CA10: variants seen among roughly 807,000 people sequenced by gnomAD.
CA10 encodes the protein carbonic anhydrase 10 (inactive), also known as carbonic anhydrase-related protein 10.
A neutral mutation model predicts 44.2 loss-of-function variants in CA10; 14 were observed. The ratio of observed to expected loss-of-function variants is 0.32; its 90% CI spans 0.21 to 0.50. The LOEUF (loss-of-function observed/expected upper bound fraction) is 0.50. CA10 is among the 20% of genes least tolerant of loss of function. The pLI, the probability that CA10 is intolerant of heterozygous loss-of-function variation, is 0.99. For synonymous variants in CA10, 159 were observed against 141.6 expected (o/e 1.12, Z -0.87); for missense variants, 350 against 409.7 (o/e 0.85, Z 1.26).
intron 3 of CA10, among the ~76,000 whole-genome samples, chr17:51,927,153 A>C (rs1265103185): frequency 6.6e-6 from 1 of 152,142 alleles, no homozygotes; most frequent in East Asian, 1.9e-4. Flanking sequence ...TATACTTAAC[A>C]TATGATCCTA....
Position 52,097,035 on chromosome 17 carries a change from T to G in CA10, c.62-24642A>C, listed in dbSNP as rs190920059. Among the ~76,000 whole-genome samples the G allele has an allele frequency of 5.5e-3, 844 of 152,276 alleles. 6 individuals are homozygous for G. Among genetic ancestry groups the G allele is most frequent in the African/African-American group, 0.019 (791 of 41,564 alleles). On this transcript the variant is annotated intron_variant, in intron 1 of 8. Transcript: ENST00000451037. ...AGCTGGATCCACCCCACTTCTGCCA[T>G]TTTTAGCTATTTTAAATTATGCTGC...
intron 2 of CA10, among the ~76,000 whole-genome samples, chr17:51,936,603 C>T (rs931031068): frequency 3.3e-5 from 5 of 152,030 alleles, no homozygotes; most frequent in Admixed American, 6.6e-5. Flanking sequence ...AGGAGAAGAG[C>T]GAAATGAGAT....
At position 52,158,068 on chromosome 17, in the gene CA10, TCTC is replaced by T. The variant is rs1382782422; in HGVS notation, c.-285_-283del. On this transcript the variant is annotated 5_prime_UTR_variant, in exon 1 of 9. Coordinates refer to ENST00000451037, the MANE Select transcript of CA10 (RefSeq NM_020178.5). ...GAGGTCTCCCCGCTCGCGTGTCTCT[TCTC>T]TTCGCACCAGCGGCGGAAACCGCAC... 1 of 531,314 alleles carries T rather than the reference TCTC, an allele frequency of 1.9e-6. No individual in the cohort carries two copies. The highest frequency in any genetic ancestry group is 1.9e-5 in the African/African-American group (1 of 52,024). The allele number at this position is 531,314 out of a possible 1,614,324, so 32.9% of individuals were successfully genotyped here.
intron 1 of CA10, among the ~76,000 whole-genome samples, chr17:52,114,809 A>G (rs1470113951): frequency 6.6e-6 from 1 of 152,134 alleles, no homozygotes; most frequent in African/African-American, 2.4e-5. Flanking sequence ...CCTTCTTCCT[A>G]TCAGGTCCTG....
At chr17:52,151,367 CT>C (rs1449647431) in intron 1 of CA10, among the ~76,000 whole-genome samples, 1 of 152,084 alleles carries the variant, frequency 6.6e-6, no homozygotes, top group Non-Finnish European at 1.5e-5. Context: ...TTCTTTCTCC[CT>C]GTTCTTTTGA....
intron 4 of CA10, among the ~76,000 whole-genome samples, chr17:51,741,750 T>C (rs969618843): frequency 2.0e-5 from 3 of 152,218 alleles, no homozygotes; most frequent in African/African-American, 7.2e-5. Flanking sequence ...TATTCCCTCA[T>C]TCAGTAAATA....
chr17:52,056,289 G>T (rs1355932472), intron 2 of CA10, among the ~76,000 whole-genome samples: 3 of 152,198 alleles, frequency 2.0e-5, no homozygotes, highest in Admixed American at 6.5e-5. Flanking sequence ...TTCAGTGAGG[G>T]AAGAAGGCAG....
intron 4 of CA10, among the ~76,000 whole-genome samples, chr17:51,683,664 C>T (rs577149318): frequency 3.9e-5 from 6 of 152,178 alleles, no homozygotes; most frequent in South Asian, 4.1e-4. Context: ...AAGGAATTCG[C>T]GTTTATTGAC....
intron 4 of CA10, among the ~76,000 whole-genome samples, chr17:51,675,587 G>T (rs1350986584): frequency 1.3e-5 from 2 of 151,276 alleles, no homozygotes; most frequent in Non-Finnish European, 2.9e-5. Context: ...GTGGTGGCAG[G>T]CACCTGTAAT....
chr17:51,797,380 C>T (rs958512013), intron 3 of CA10, among the ~76,000 whole-genome samples: 1 of 152,142 alleles, frequency 6.6e-6, no homozygotes, highest in African/African-American at 2.4e-5. Flanking sequence ...ACACGCACAC[C>T]CCGCCCTCCA....
At chr17:51,921,539 T>C (rs1035553214) in intron 3 of CA10, among the ~76,000 whole-genome samples, 3 of 152,224 alleles carry the variant, frequency 2.0e-5, no homozygotes, top group African/African-American at 7.2e-5. Context: ...CATTACTTTC[T>C]TCCTCTTCTT....
At chr17:51,739,515 C>T (rs977490511) in intron 4 of CA10, among the ~76,000 whole-genome samples, 3 of 152,078 alleles carry the variant, frequency 2.0e-5, no homozygotes, top group African/African-American at 7.2e-5. Flanking sequence ...TGTCATATGC[C>T]ATCCTGGGGG....
At chr17:51,735,192 A>C (rs566337200) in intron 4 of CA10, among the ~76,000 whole-genome samples, 99 of 152,302 alleles carry the variant, frequency 6.5e-4, no homozygotes, top group African/African-American at 2.3e-3. Flanking sequence ...TATATATGCA[A>C]TGTGGAATAT....
chr17:51,931,894 A>G (rs1226385358), intron 2 of CA10, among the ~76,000 whole-genome samples: 1 of 152,162 alleles, frequency 6.6e-6, no homozygotes, highest in African/African-American at 2.4e-5. Context: ...GAAAGTTTTC[A>G]GGGCAAGGGT....
intron 2 of CA10, among the ~76,000 whole-genome samples, chr17:52,065,855 T>C (rs1228194814): frequency 6.6e-6 from 1 of 152,136 alleles, no homozygotes; most frequent in African/African-American, 2.4e-5. Context: ...GTTCACATAA[T>C]CCCCATATGT....
chr17:51,887,420 A>G (rs910052474), intron 3 of CA10, among the ~76,000 whole-genome samples: 2 of 152,094 alleles, frequency 1.3e-5, no homozygotes, highest in Admixed American at 6.6e-5. Context: ...ATGAGTAGAA[A>G]CTCTGGGCAG....
At chr17:51,829,340 G>C (rs1292362742) in intron 3 of CA10, among the ~76,000 whole-genome samples, 1 of 152,164 alleles carries the variant, frequency 6.6e-6, no homozygotes, top group Non-Finnish European at 1.5e-5. Flanking sequence ...TGGCTGTAAA[G>C]ATTCATTATA....
intron 1 of CA10, among the ~76,000 whole-genome samples, chr17:52,084,661 T>C (rs1988072522): frequency 6.6e-6 from 1 of 152,178 alleles, no homozygotes; most frequent in Admixed American, 6.5e-5. Context: ...AGCCTACTAA[T>C]TAGAATACTG....
chr17:51,955,072 G>A (rs931508951), intron 2 of CA10, among the ~76,000 whole-genome samples: 2 of 152,110 alleles, frequency 1.3e-5, no homozygotes, highest in Admixed American at 6.6e-5. Context: ...CTTGGGTGGA[G>A]TATTTGATGG....
Sources: allele counts gnomAD v4.1 joint callset (sites outside exome capture counted in the v4.1 genomes callset), GRCh38; gene constraint gnomAD v4.1.1; transcripts MANE v1.5; gene names NCBI Gene and HGNC (gene_info 2026-07-23, HGNC 2026-07-21).